The following TCF4 variants were observed in gnomAD, a reference collection of about 807,000 sequenced individuals.
TCF4 encodes the protein SL3-3 enhancer factor 2.
A neutral mutation model predicts 82.1 loss-of-function variants in TCF4; 3 were observed. That is an observed-to-expected ratio of 0.04 (90% CI 0.02 to 0.09). The LOEUF is 0.09. Among genes scored for constraint, TCF4 ranks in the 10% least tolerant of loss-of-function variants. The probability of loss-of-function intolerance (pLI) is 1.00; values close to 1 mark genes in which losing one functional copy is unlikely to be tolerated. For missense variants in TCF4, 518 were observed against 852.7 expected, an observed-to-expected ratio of 0.61 and a Z score of 4.89; for synonymous variants, 276 against 309.6, an observed-to-expected ratio of 0.89 and a Z score of 1.14.
At chr18:55,386,620 T>C (rs1234088589) in intron 6 of TCF4, among the ~76,000 whole-genome samples, 4 of 152,062 alleles carry the variant, frequency 2.6e-5, no homozygotes, top group Non-Finnish European at 5.9e-5. Context: ...ATTCAAACAA[T>C]ACAGGAGCAT....
At chr18:55,582,770 G>C (rs1189247776) in intron 3 of TCF4, among the ~76,000 whole-genome samples, 1 of 151,996 alleles carries the variant, frequency 6.6e-6, no homozygotes, top group Non-Finnish European at 1.5e-5. Flanking sequence ...TTTCAAATAG[G>C]AACAGTCTAC....
chr18:55,590,201 C>T (rs751913797), upstream of TCF4, among the ~76,000 whole-genome samples: 2 of 152,222 alleles, frequency 1.3e-5, no homozygotes, highest in Non-Finnish European at 2.9e-5. Context: ...AAGACTGGGC[C>T]GGCCTCACTC....
chr18:55,568,929 C>G (rs1361057267), intron 3 of TCF4, among the ~76,000 whole-genome samples: 2 of 152,128 alleles, frequency 1.3e-5, no homozygotes, highest in African/African-American at 4.8e-5. Flanking sequence ...GCAAAGGTGG[C>G]TTACCACAGG....
intron 16 of TCF4, among the ~76,000 whole-genome samples, chr18:55,234,090 T>C (rs2048671698): frequency 6.6e-6 from 1 of 152,130 alleles, no homozygotes; most frequent in Non-Finnish European, 1.5e-5. Context: ...AGGCAATCAT[T>C]AGAGGGCTAG....
rs374220057 is a variant in TCF4 at position 55,508,533 on chromosome 18, A to C, written c.146-44396T>G. ...TGGGCTGAACACTGTTCTCAATGTT[A>C]GATGCATTCACTCATTTAATTCCCA... On this transcript the variant is annotated intron_variant, in intron 3 of 19. Coordinates refer to ENST00000354452, the MANE Select transcript of TCF4 (RefSeq NM_001083962.2). Among the ~76,000 whole-genome samples, 447 of 152,340 alleles carry C rather than the reference A, an allele frequency of 2.9e-3. 1 individual carries two copies. Among genetic ancestry groups the C allele is most frequent in the South Asian group, 0.012 (58 of 4,830 alleles).
chr18:55,473,782 A>T (rs1232116374), intron 3 of TCF4, among the ~76,000 whole-genome samples: 1 of 152,226 alleles, frequency 6.6e-6, no homozygotes, highest in Non-Finnish European at 1.5e-5. Context: ...CATAGTAATC[A>T]AATCAAAGCA....
At chr18:55,528,152 G>T (rs1328701460) in intron 3 of TCF4, among the ~76,000 whole-genome samples, 2 of 152,156 alleles carry the variant, frequency 1.3e-5, no homozygotes, top group African/African-American at 4.8e-5. Context: ...TCCTACCACT[G>T]CAACTTCAAG....
chr18:55,585,727 G>T, intron 2 of TCF4: 2 of 1,081,298 alleles, frequency 1.8e-6, no homozygotes, highest in Non-Finnish European at 2.3e-6. Flanking sequence ...TGAAAACCTT[G>T]GCCATAAACG....
At chr18:55,349,210 A>C (rs937956137) in intron 8 of TCF4, among the ~76,000 whole-genome samples, 2 of 152,146 alleles carry the variant, frequency 1.3e-5, no homozygotes, top group Admixed American at 6.6e-5. Flanking sequence ...CAACATCACC[A>C]ACTCTATGAT....
chr18:55,350,365 T>C lies in TCF4; in HGVS notation c.543A>G (p.Pro181=). 6.2e-7 allele frequency: 1 copy of C among 1,613,704 alleles called. No homozygotes were observed. The highest frequency in any genetic ancestry group is 1.3e-5 in the African/African-American group (1 of 75,020). ...AGAAACAAGCAGTACTTACTGAAGA[T>C]GGCAAACCTGGAGGAACTTTTCGAA... ...KKVRKVPPGL[P]SSVYAPSAST... is the part of the protein sequence containing the mutation. The change falls in exon 8 of 20, where the codon CCA becomes CCG. Residue 181 remains proline, a synonymous_variant. Transcript: ENST00000354452.
chr18:55,621,693 TATA>T (rs2097720138), intron 2 of TCF4, among the ~76,000 whole-genome samples: 2 of 85,944 alleles, frequency 2.3e-5, no homozygotes, highest in African/African-American at 9.4e-5. Flanking sequence ...TATTATATTA[TATA>T]ATATATATTA....
intron 6 of TCF4, among the ~76,000 whole-genome samples, chr18:55,372,990 C>CT (rs1028683045): frequency 6.6e-6 from 1 of 151,716 alleles, no homozygotes; most frequent in Non-Finnish European, 1.5e-5. Flanking sequence ...AAAAAAAGAC[C>CT]TTTTTTTAAG....
At chr18:55,392,165 A>G (rs2093171262) in intron 6 of TCF4, among the ~76,000 whole-genome samples, 1 of 151,008 alleles carries the variant, frequency 6.6e-6, no homozygotes, top group Non-Finnish European at 1.5e-5. Flanking sequence ...GCATTTCGCC[A>G]TGTTCGTCAG....
In TCF4 at chr18:55,231,871, G is replaced by C. The variant is rs569551306; in HGVS notation, c.1649+638C>G. On this transcript the variant is annotated intron_variant, in intron 17 of 19. Coordinates refer to ENST00000354452, the MANE Select transcript of TCF4 (RefSeq NM_001083962.2). ...AATAAAAACAACCTCAGGGAATTGAGGCAAAGTACACGGGTGTTGGTATTC... is the reference window on the plus strand; with the variant it reads ...AATAAAAACAACCTCAGGGAATTGACGCAAAGTACACGGGTGTTGGTATTC... The C allele has an allele frequency of 5.9e-5, 9 of 152,316 alleles. No individual in the cohort carries two copies. In the East Asian group the frequency reaches 1.7e-3, roughly 29 times the overall value. The allele number at this position is 152,316 out of a possible 1,614,324, so 9.4% of individuals were successfully genotyped here.
chr18:55,497,629 T>C (rs1276985146), intron 3 of TCF4, among the ~76,000 whole-genome samples: 1 of 152,226 alleles, frequency 6.6e-6, no homozygotes, highest in Non-Finnish European at 1.5e-5. Context: ...TATAACTATT[T>C]ACCTTATTTT....
intron 8 of TCF4, among the ~76,000 whole-genome samples, chr18:55,324,572 C>A (rs2076239056): frequency 6.6e-6 from 1 of 152,090 alleles, no homozygotes; most frequent in South Asian, 2.1e-4. Context: ...TTTTACAGGA[C>A]CCTGAACTAG....
intron 3 of TCF4, among the ~76,000 whole-genome samples, chr18:55,509,645 T>C (rs2096802891): frequency 6.6e-6 from 1 of 152,124 alleles, no homozygotes; most frequent in African/African-American, 2.4e-5. Flanking sequence ...TTCCCCCAAA[T>C]CTCATCCCCT....
At chr18:55,617,222 G>A (rs1192178292) in intron 2 of TCF4, among the ~76,000 whole-genome samples, 1 of 151,918 alleles carries the variant, frequency 6.6e-6, no homozygotes, top group East Asian at 1.9e-4. Flanking sequence ...TGTTTTGTTG[G>A]CACCCTTGTT....
rs531431557 is a variant in TCF4, at chr18:55,510,996, C to T, written c.146-46859G>A. Reference sequence around the variant, plus strand: ...ATAAGCACAATAAAAGCAGGACGTGCCTCATTTCCTTCAACCGTTCAACAT... The same window carrying T: ...ATAAGCACAATAAAAGCAGGACGTGTCTCATTTCCTTCAACCGTTCAACAT... On this transcript the variant is annotated intron_variant, in intron 3 of 19. Coordinates refer to ENST00000354452, the MANE Select transcript of TCF4 (RefSeq NM_001083962.2). 1.3e-4 allele frequency among the ~76,000 whole-genome samples: 20 copies of T among 152,240 alleles called. 1 individual carries two copies. In the South Asian group the frequency reaches 2.5e-3, roughly 19 times the overall value.
Sources: allele counts gnomAD v4.1 joint callset (sites outside exome capture counted in the v4.1 genomes callset), GRCh38; gene constraint gnomAD v4.1.1; transcripts MANE v1.5; gene names NCBI Gene and HGNC (gene_info 2026-07-23, HGNC 2026-07-21).